The following FRY variants were observed in gnomAD, a reference collection of about 807,000 sequenced individuals.
FRY encodes protein furry homolog.
Under a neutral mutation model 348.4 loss-of-function variants are expected in FRY, and 128 were observed. The observed-to-expected ratio is 0.37, with a 90% CI of 0.32 to 0.43. FRY has a LOEUF of 0.43. Among genes scored for constraint, FRY ranks in the 20% least tolerant of loss-of-function variants. The pLI is 1.00. For missense variants in FRY, 2,736 were observed against 3,695.2 expected (o/e 0.74, Z 6.73); for synonymous variants, 1,370 against 1,374.7 (o/e 1.00, Z 0.08).
At chr13:32,259,269 G>A (rs149109834) in intron 51 of FRY, among the ~76,000 whole-genome samples, 16 of 152,322 alleles carry the variant, frequency 1.1e-4, no homozygotes, top group Non-Finnish European at 1.9e-4. Flanking sequence ...CTTTACCTGG[G>A]TCCAGACTGC....
intron 1 of FRY, among the ~76,000 whole-genome samples, chr13:32,045,501 C>A (rs765802528): frequency 6.6e-6 from 1 of 152,184 alleles, no homozygotes; most frequent in African/African-American, 2.4e-5. Context: ...TGTGCATCAG[C>A]CTCCATAGAC....
At chr13:32,149,467 G>T (rs147196812) in intron 13 of FRY, among the ~76,000 whole-genome samples, 2 of 7,124 alleles carry the variant, frequency 2.8e-4, no homozygotes, top group Non-Finnish European at 4.1e-4. Context: ...TTTGATTTGT[G>T]GGGGGGGGTC....
intron 7 of FRY, among the ~76,000 whole-genome samples, chr13:32,129,395 T>A (rs1044326096): frequency 6.6e-6 from 1 of 152,196 alleles, no homozygotes; most frequent in African/African-American, 2.4e-5. Context: ...TTTTGTAAAT[T>A]TAATAAAGTT....
intron 40 of FRY, among the ~76,000 whole-genome samples, chr13:32,230,675 G>A (rs1885861681): frequency 6.6e-6 from 1 of 152,130 alleles, no homozygotes; most frequent in African/African-American, 2.4e-5. Flanking sequence ...TATATACTCG[G>A]TAATGGAATT....
intron 7 of FRY, among the ~76,000 whole-genome samples, chr13:32,125,887 G>A (rs757620839): frequency 3.3e-5 from 5 of 152,088 alleles, no homozygotes; most frequent in Non-Finnish European, 7.4e-5. Context: ...ATAAACTGAT[G>A]CCATTGAGAA....
intron 4 of FRY, among the ~76,000 whole-genome samples, chr13:32,118,028 TTTTG>T (rs1425064506): frequency 6.6e-6 from 1 of 152,152 alleles, no homozygotes; most frequent in Non-Finnish European, 1.5e-5. Context: ...CAGCTGAGTA[TTTTG>T]TTTATTTATT....
At chr13:32,152,849 C>T (rs1880882054) in intron 14 of FRY, among the ~76,000 whole-genome samples, 1 of 152,102 alleles carries the variant, frequency 6.6e-6, no homozygotes, top group South Asian at 2.1e-4. Flanking sequence ...AAAATATTTA[C>T]AAAACTCATA....
chr13:32,165,331 T>C (rs565835152), intron 17 of FRY, among the ~76,000 whole-genome samples: 48 of 152,328 alleles, frequency 3.2e-4, no homozygotes, highest in African/African-American at 1.1e-3. Context: ...TGGAAAGTGG[T>C]TAGTTGTTTG....
intron 31 of FRY, among the ~76,000 whole-genome samples, chr13:32,208,223 TCCGCA>T (rs1450236484): frequency 6.6e-6 from 1 of 152,194 alleles, no homozygotes; most frequent in African/African-American, 2.4e-5. Flanking sequence ...TTCCTAGAGA[TCCGCA>T]TGTCACTTTT....
chr13:32,277,662 A>AC (rs34361055), intron 57 of FRY, among the ~76,000 whole-genome samples: 103,244 of 152,030 alleles, frequency 0.68, 36,073 homozygotes, highest in African/African-American at 0.78. Context: ...TTGTAAAGTT[A>AC]TGGTTTGGGG....
Position 32,267,196 on chromosome 13 carries a change from CT to C in FRY, c.7974del (p.Pro2660LeufsTer62). 1 of 1,613,706 alleles carries C rather than the reference CT, an allele frequency of 6.2e-7. No homozygotes were observed. Among genetic ancestry groups the C allele is most frequent in the Non-Finnish European group, 8.5e-7 (1 of 1,179,716 alleles). ...ASFGEGDRGV[S>X]PPPSPFFSAI... ...TTTGGAGAAGGTGACAGGGGAGTCT[CT>C]CCCCCTCCCTCGCCCTTCTTCTCAG... On this transcript the variant is annotated frameshift_variant, in exon 55 of 61. Coordinates refer to ENST00000542859, the MANE Select transcript of FRY (RefSeq NM_023037.3). LOFTEE classifies it high-confidence loss of function.
chr13:32,294,078 C>G (rs1002487625), intron 59 of FRY, among the ~76,000 whole-genome samples: 1 of 152,144 alleles, frequency 6.6e-6, no homozygotes, highest in Non-Finnish European at 1.5e-5. Flanking sequence ...TGTACTCTTT[C>G]CTTCTGTATT....
At position 32,124,181 on chromosome 13, in the gene FRY, A is replaced by G. The variant is rs541812603; in HGVS notation, c.465-105A>G. The G allele has an allele frequency of 2.6e-5, 19 of 729,410 alleles. 1 individual carries two copies. In the South Asian group the frequency reaches 3.0e-4, roughly 12 times the overall value. The allele number at this position is 729,410 out of a possible 1,614,324, so 45.2% of individuals were successfully genotyped here. On this transcript the variant is annotated intron_variant, in intron 4 of 60. Transcript: ENST00000542859. ...CCAGTGCAATTATATAATTTTAAAA[A>G]TGGGTTTTGCAGTCTATTAGGGAGG...
rs375522210 is a variant in FRY, at chr13:32,237,847, G to A, written c.6279G>A (p.Lys2093=). ...TTGAGAAACTCCAGGCACAGCTGAAGTGGGCCGACTTCTCCGGGCTGCAGC... is the reference window on the plus strand; with the variant it reads ...TTGAGAAACTCCAGGCACAGCTGAAATGGGCCGACTTCTCCGGGCTGCAGC... ...EKLEKLQAQL[K]WADFSGLQQL... is the part of the protein sequence containing the mutation. Residue 2093 remains lysine (K), a synonymous_variant, in exon 44 of 61, where the codon AAG becomes AAA. Transcript: ENST00000542859. The surrounding 1 kb of genome is among the most constrained non-coding windows in gnomAD (Gnocchi z 6.3). 1 of 1,614,176 alleles carries A rather than the reference G, an allele frequency of 6.2e-7. No homozygotes were observed. Among genetic ancestry groups the A allele is most frequent in the East Asian group, 2.2e-5 (1 of 44,884 alleles).
chr13:32,154,415 T>A (rs1317341869), intron 14 of FRY, among the ~76,000 whole-genome samples: 1 of 152,200 alleles, frequency 6.6e-6, no homozygotes, highest in Non-Finnish European at 1.5e-5. Context: ...GAATAAATAA[T>A]TTTAAAATAA....
Position 32,239,464 on chromosome 13 carries a change from A to G in FRY, c.6516+115A>G, listed in dbSNP as rs1886389660. 8 of 775,424 alleles carry G rather than the reference A, an allele frequency of 1.0e-5. No homozygotes were observed. In the Admixed American group the frequency reaches 1.5e-4, roughly 14 times the overall value. The allele number at this position is 775,424 out of a possible 1,614,324, so 48.0% of individuals were successfully genotyped here. A position where few individuals can be genotyped will look rare whatever the true frequency, so the allele number is the denominator to read the frequency against. On this transcript the variant is annotated intron_variant, in intron 45 of 60. Transcript: ENST00000542859. This position sits in a 1 kb window ranked among gnomAD's most constrained non-coding sequence, Gnocchi z 4.3. ...GTGATTTTCTCAAAAACTGGAAATAATAACTAATATCACAGTAATGGAAAT... is the reference window on the plus strand; with the variant it reads ...GTGATTTTCTCAAAAACTGGAAATAGTAACTAATATCACAGTAATGGAAAT...
At chr13:32,133,554 A>G (rs9594996) in intron 8 of FRY, among the ~76,000 whole-genome samples, 32,660 of 152,042 alleles carry the variant, frequency 0.21, 3,712 homozygotes, top group Middle Eastern at 0.28. Context: ...TATAGAGCTC[A>G]TCTGTATAGG....
intron 4 of FRY, among the ~76,000 whole-genome samples, chr13:32,123,639 A>G (rs979067636): frequency 1.3e-5 from 2 of 152,192 alleles, no homozygotes; most frequent in Non-Finnish European, 2.9e-5. Flanking sequence ...AGTTGTTATC[A>G]CATTTTACAG....
chr13:32,184,493 G>T (rs549523182), intron 24 of FRY, 107 bp from the exon 25 acceptor site: 8 of 733,786 alleles, frequency 1.1e-5, no homozygotes, highest in Non-Finnish European at 1.5e-5. Context: ...TTTATGCTTA[G>T]AAAATTGAAA....
Sources: gnomAD v4.1 joint callset for allele counts (sites outside exome capture counted in the v4.1 genomes callset) on GRCh38, gnomAD v4.1.1 for gene constraint, Gnocchi (gnomAD v3.1) non-coding constraint, MANE v1.5 for transcripts, NCBI Gene and HGNC (gene_info 2026-07-23, HGNC 2026-07-21) for gene names.